GALNT13: variants seen among roughly 807,000 people sequenced by gnomAD.
The protein encoded by GALNT13 is polypeptide N-acetylgalactosaminyltransferase 13, also known as UDP-GalNAc:polypeptide N-acetylgalactosaminyltransferase 13.
In GALNT13, 28 loss-of-function variants were observed where a neutral mutation model predicts 64.2. That is an observed-to-expected ratio of 0.44 (90% CI 0.32 to 0.60). The LOEUF (loss-of-function observed/expected upper bound fraction) is 0.60, where lower values mean the gene tolerates loss of function less well. Ranked by LOEUF, GALNT13 falls within the 20% of genes least tolerant of loss-of-function variation. The pLI, the probability that GALNT13 is intolerant of heterozygous loss-of-function variation, is 0.05. For synonymous variants in GALNT13, 214 were observed against 224.6 expected (o/e 0.95, Z 0.42); for missense variants, 577 against 669.8 (o/e 0.86, Z 1.53).
the GALNT13 span, among the ~76,000 whole-genome samples, chr2:153,121,657 T>C: frequency 6.6e-6 from 1 of 152,128 alleles, no homozygotes; most frequent in Non-Finnish European, 1.5e-5. Flanking sequence ...GCCTCCCAAG[T>C]AGCTGGGACT....
At chr2:154,364,403 C>A (rs989799052) in intron 9 of GALNT13, among the ~76,000 whole-genome samples, 1 of 152,074 alleles carries the variant, frequency 6.6e-6, no homozygotes, top group Non-Finnish European at 1.5e-5. Context: ...GGAAGACTGG[C>A]TTTACAAGTT....
the GALNT13 span, among the ~76,000 whole-genome samples, chr2:153,717,280 C>T: frequency 6.6e-6 from 1 of 152,182 alleles, no homozygotes; most frequent in Non-Finnish European, 1.5e-5. Context: ...CGTGTATTAG[C>T]AAGTTTCACT....
chr2:153,913,094 G>A (rs72621665), intron 2 of GALNT13, among the ~76,000 whole-genome samples: 14,162 of 152,164 alleles, frequency 0.093, 1,675 homozygotes, highest in East Asian at 0.62. Context: ...GCTGGTGGGC[G>A]CAGGACTGTG....
At chr2:154,125,249 C>T (rs548691068) in intron 3 of GALNT13, among the ~76,000 whole-genome samples, 27 of 151,940 alleles carry the variant, frequency 1.8e-4, no homozygotes, top group Admixed American at 5.2e-4. Context: ...GTGGTACTAG[C>T]GAGAAAGGAT....
the GALNT13 span, among the ~76,000 whole-genome samples, chr2:153,576,279 C>T: frequency 2.0e-5 from 3 of 152,050 alleles, no homozygotes; most frequent in African/African-American, 2.4e-5. Context: ...CTTAGTAGGT[C>T]GAGTGCCCCC....
chr2:153,469,640 A>G, the GALNT13 span, among the ~76,000 whole-genome samples: 2 of 152,266 alleles, frequency 1.3e-5, no homozygotes, highest in South Asian at 2.1e-4. Flanking sequence ...TGTTTCCAAG[A>G]AAAGTAAATA....
At chr2:153,203,258 G>A in the GALNT13 span, among the ~76,000 whole-genome samples, 2 of 152,186 alleles carry the variant, frequency 1.3e-5, no homozygotes, top group Non-Finnish European at 2.9e-5. Context: ...TTCCTGGTAA[G>A]GTGAGGTCTA....
chr2:154,012,611 C>A (rs1696724457), intron 3 of GALNT13, among the ~76,000 whole-genome samples: 1 of 152,096 alleles, frequency 6.6e-6, no homozygotes, highest in Admixed American at 6.5e-5. Context: ...ATATTGGCCT[C>A]TCTGGGGACA....
At chr2:154,048,191 G>T (rs962471372) in intron 3 of GALNT13, among the ~76,000 whole-genome samples, 1 of 152,118 alleles carries the variant, frequency 6.6e-6, no homozygotes, top group Non-Finnish European at 1.5e-5. Flanking sequence ...TAGATCTCAT[G>T]CTAACTCACT....
intron 3 of GALNT13, among the ~76,000 whole-genome samples, chr2:154,118,366 G>T: frequency 7.2e-6 from 1 of 138,068 alleles, no homozygotes; most frequent in Admixed American, 7.4e-5. Context: ...AGATTCACTT[G>T]TGTGGAATAT....
chr2:153,938,677 T>A (rs944557244), intron 2 of GALNT13, among the ~76,000 whole-genome samples: 2 of 152,196 alleles, frequency 1.3e-5, no homozygotes, highest in Non-Finnish European at 2.9e-5. Flanking sequence ...GTCAGCAGTG[T>A]TGATTTTATT....
chr2:154,329,023 G>T (rs1173831615), intron 9 of GALNT13, among the ~76,000 whole-genome samples: 11 of 151,974 alleles, frequency 7.2e-5, no homozygotes. Flanking sequence ...TGACCTTAAG[G>T]TATTCTATAT....
At chr2:153,968,117 A>G (rs1268481302) in intron 3 of GALNT13, among the ~76,000 whole-genome samples, 2 of 152,066 alleles carry the variant, frequency 1.3e-5, no homozygotes, top group Non-Finnish European at 2.9e-5. Flanking sequence ...CCCCAAGTCC[A>G]CTGCCTCTGA....
intron 3 of GALNT13, among the ~76,000 whole-genome samples, chr2:153,965,959 C>T (rs1051614734): frequency 6.6e-6 from 1 of 152,008 alleles, no homozygotes; most frequent in East Asian, 1.9e-4. Flanking sequence ...TTTCCTACTA[C>T]ATATATGAGT....
intron 3 of GALNT13, among the ~76,000 whole-genome samples, chr2:153,952,360 G>T (rs577527227): frequency 6.6e-6 from 1 of 152,226 alleles, no homozygotes; most frequent in East Asian, 1.9e-4. Flanking sequence ...TATGTAATAT[G>T]AAATGAATAT....
rs1488640937 is a variant in GALNT13 at position 154,031,989 on chromosome 2, A to G, written c.142+87350A>G. 3.9e-5 allele frequency among the ~76,000 whole-genome samples: 6 copies of G among 151,998 alleles called. No individual in the cohort carries two copies. The East Asian group carries it at 1.2e-3, about 29-fold the overall frequency. On this transcript the variant is annotated intron_variant, in intron 3 of 12. Coordinates refer to ENST00000392825, the MANE Select transcript of GALNT13 (RefSeq NM_052917.4). ...AAAGCAACTCTTCAAGGAAAACTTT[A>G]TAGATTTGATGCTTATATAATATCA...
chr2:153,871,450 G>C (rs1307784768), upstream of GALNT13, among the ~76,000 whole-genome samples: 1 of 152,184 alleles, frequency 6.6e-6, no homozygotes, highest in East Asian at 1.9e-4. Flanking sequence ...CTCTCGGCTG[G>C]AGAGCCGACG....
the GALNT13 span, among the ~76,000 whole-genome samples, chr2:153,133,438 T>C: frequency 1.2e-4 from 19 of 152,076 alleles, no homozygotes; most frequent in African/African-American, 4.6e-4. Flanking sequence ...ATTCAATCAG[T>C]GAGAAGGGGA....
At chr2:153,815,599 G>A in the GALNT13 span, among the ~76,000 whole-genome samples, 4 of 152,178 alleles carry the variant, frequency 2.6e-5, no homozygotes, top group Non-Finnish European at 5.9e-5. Context: ...GTAGCTGTAA[G>A]CTACTTCATA....
Sources: allele counts gnomAD v4.1 joint callset (sites outside exome capture counted in the v4.1 genomes callset), GRCh38; gene constraint gnomAD v4.1.1; transcripts MANE v1.5; gene names NCBI Gene and HGNC (gene_info 2026-07-23, HGNC 2026-07-21).